The following GAS7 variants were observed in gnomAD, a reference collection of about 807,000 sequenced individuals.
The protein encoded by GAS7 is growth arrest specific 7, also known as growth arrest-specific protein 7.
In GAS7, 28 loss-of-function variants were observed where a neutral mutation model predicts 71.1. That is an observed-to-expected ratio of 0.39 (90% CI 0.29 to 0.54). The LOEUF is 0.54. GAS7 is among the 20% of genes least tolerant of loss of function. The probability of loss-of-function intolerance (pLI) is 0.62; values close to 1 mark genes in which losing one functional copy is unlikely to be tolerated. For synonymous variants in GAS7, 258 were observed against 245.8 expected (o/e 1.05, Z -0.46); for missense variants, 436 against 627.8 (o/e 0.69, Z 3.27).
chr17:9,935,526 T>C (rs150079777), intron 8 of GAS7, among the ~76,000 whole-genome samples: 1 of 152,276 alleles, frequency 6.6e-6, no homozygotes, highest in East Asian at 1.9e-4. Flanking sequence ...CCCAGAGAAT[T>C]CATTAAAGTC....
chr17:9,966,816 G>A (rs1201879210), intron 4 of GAS7, among the ~76,000 whole-genome samples: 1 of 152,136 alleles, frequency 6.6e-6, no homozygotes, highest in African/African-American at 2.4e-5. Flanking sequence ...AGTGATCTAC[G>A]ATCACCTCCA....
intron 1 of GAS7, among the ~76,000 whole-genome samples, chr17:10,051,770 A>G (rs1025899020): frequency 1.5e-4 from 23 of 152,216 alleles, no homozygotes; most frequent in African/African-American, 5.5e-4. Flanking sequence ...GGGCACTCCA[A>G]GAAAATTTCG....
intron 1 of GAS7, among the ~76,000 whole-genome samples, chr17:10,021,598 G>A (rs376504224): frequency 6.6e-6 from 1 of 152,182 alleles, no homozygotes; most frequent in African/African-American, 2.4e-5. Flanking sequence ...GTTTGATTCC[G>A]TATGGAAGAC....
intron 1 of GAS7, among the ~76,000 whole-genome samples, chr17:10,177,251 G>C (rs1441116061): frequency 3.9e-5 from 6 of 152,184 alleles, no homozygotes; most frequent in Non-Finnish European, 7.3e-5. Flanking sequence ...GGGATGAGAA[G>C]GGCCTCTAGA....
At chr17:10,154,953 CACAA>C (rs2074194096) in intron 1 of GAS7, among the ~76,000 whole-genome samples, 1 of 129,700 alleles carries the variant, frequency 7.7e-6, no homozygotes, top group Non-Finnish European at 1.7e-5. Flanking sequence ...CACACACACA[CACAA>C]AACCCATGTC....
At chr17:10,183,557 T>C (rs965086788) in intron 1 of GAS7, among the ~76,000 whole-genome samples, 5 of 152,180 alleles carry the variant, frequency 3.3e-5, no homozygotes, top group Admixed American at 2.0e-4. Flanking sequence ...ATTCTGCAAC[T>C]GGCTGGGCGC....
chr17:10,149,112 A>G (rs2074144718), intron 1 of GAS7, among the ~76,000 whole-genome samples: 1 of 151,978 alleles, frequency 6.6e-6, no homozygotes, highest in South Asian at 2.1e-4. Context: ...TTATTTATTC[A>G]TTTATTTTGA....
chr17:10,100,480 G>C (rs1019908455), intron 1 of GAS7, among the ~76,000 whole-genome samples: 8 of 152,152 alleles, frequency 5.3e-5, no homozygotes, highest in Admixed American at 3.9e-4. Context: ...CTGAGAGCTA[G>C]ACCGGATCTC....
At chr17:10,068,266 G>A (rs75875319) in intron 1 of GAS7, among the ~76,000 whole-genome samples, 4,559 of 152,092 alleles carry the variant, frequency 0.03, 238 homozygotes, top group African/African-American at 0.1. Flanking sequence ...TTTGATCCTA[G>A]GAGAACTTCT....
intron 2 of GAS7, among the ~76,000 whole-genome samples, chr17:10,013,621 G>C (rs537214709): frequency 3.3e-5 from 5 of 152,334 alleles, no homozygotes; most frequent in Admixed American, 6.5e-5. Flanking sequence ...TTATATGAAA[G>C]CAACGGCATT....
At chr17:10,134,883 A>G (rs189152295) in intron 1 of GAS7, among the ~76,000 whole-genome samples, 5 of 150,764 alleles carry the variant, frequency 3.3e-5, no homozygotes, top group African/African-American at 1.2e-4. Context: ...GCCAGGCTGG[A>G]GTGCAGTGGT....
At chr17:10,091,229 T>C (rs1033811648) in intron 1 of GAS7, among the ~76,000 whole-genome samples, 3 of 152,056 alleles carry the variant, frequency 2.0e-5, no homozygotes, top group Non-Finnish European at 4.4e-5. Context: ...GATGGGTGGT[T>C]GTCAGGGGCT....
At chr17:10,144,214 T>G (rs1214200940) in intron 1 of GAS7, among the ~76,000 whole-genome samples, 1 of 152,232 alleles carries the variant, frequency 6.6e-6, no homozygotes, top group African/African-American at 2.4e-5. Context: ...AGCTGGGGAC[T>G]TTGCAGCTGT....
intron 1 of GAS7, among the ~76,000 whole-genome samples, chr17:10,048,368 G>T (rs963722783): frequency 1.3e-5 from 2 of 152,056 alleles, no homozygotes; most frequent in East Asian, 1.9e-4. Flanking sequence ...AAAGAGAAAG[G>T]GTTACCCAGG....
Position 10,036,546 on chromosome 17 carries a change from C to G in GAS7, c.184-16649G>C. The G allele has an allele frequency of 2.5e-6, 4 of 1,582,412 alleles. No individual in the cohort carries two copies. In the Admixed American group the frequency reaches 7.1e-5, roughly 28 times the overall value. ...GACTCCGCCGGCTTCCTCTTCATGGCAGCCTCTCCGGGAAATGGGGCTGAG... is the reference window on the plus strand; with the variant it reads ...GACTCCGCCGGCTTCCTCTTCATGGGAGCCTCTCCGGGAAATGGGGCTGAG... On this transcript the variant is annotated intron_variant, in intron 1 of 13. Coordinates refer to ENST00000432992, the MANE Select transcript of GAS7 (RefSeq NM_201433.2).
chr17:10,119,093 T>C (rs1190873450), intron 1 of GAS7, among the ~76,000 whole-genome samples: 1 of 152,164 alleles, frequency 6.6e-6, no homozygotes, highest in Non-Finnish European at 1.5e-5. Context: ...AATAAACCCT[T>C]GCTTTCCTGG....
chr17:10,105,744 A>C (rs867977084), intron 1 of GAS7, among the ~76,000 whole-genome samples: 4 of 152,134 alleles, frequency 2.6e-5, no homozygotes, highest in Admixed American at 6.6e-5. Flanking sequence ...AGCACGTATC[A>C]CTAGCTCATG....
intron 1 of GAS7, among the ~76,000 whole-genome samples, chr17:10,041,189 A>G (rs1220238840): frequency 6.6e-6 from 1 of 151,666 alleles, no homozygotes; most frequent in Non-Finnish European, 1.5e-5. Context: ...AGAAGGTAAA[A>G]GCAAAACTTC....
At chr17:9,970,506 C>T (rs1287657568) in intron 3 of GAS7, among the ~76,000 whole-genome samples, 2 of 152,040 alleles carry the variant, frequency 1.3e-5, no homozygotes, top group Admixed American at 1.3e-4. Context: ...GTGGCAGGCA[C>T]CTGTAATCCC....
Sources: gnomAD v4.1 joint callset for allele counts (sites outside exome capture counted in the v4.1 genomes callset) on GRCh38, gnomAD v4.1.1 for gene constraint, MANE v1.5 for transcripts, NCBI Gene and HGNC (gene_info 2026-07-23, HGNC 2026-07-21) for gene names.